THSD7A: variants seen among roughly 807,000 people sequenced by gnomAD.
The protein encoded by THSD7A is thrombospondin type-1 domain-containing protein 7A.
THSD7A carries 96 observed loss-of-function variants against 231.3 expected under a neutral mutation model. The observed-to-expected ratio is 0.41, with a 90% CI of 0.35 to 0.49. The LOEUF (loss-of-function observed/expected upper bound fraction) is 0.49. THSD7A is among the 20% of genes least tolerant of loss of function. THSD7A has a pLI of 0.05. For missense variants in THSD7A, 2,290 were observed against 2,070.2 expected (o/e 1.11, Z -2.06); for synonymous variants, 940 against 743.3 (o/e 1.26, Z -4.30).
At chr7:11,448,008 T>A (rs909753016) in intron 11 of THSD7A, among the ~76,000 whole-genome samples, 32 of 152,184 alleles carry the variant, frequency 2.1e-4, no homozygotes, top group Non-Finnish European at 2.6e-4. Flanking sequence ...ATTTCAAGTT[T>A]ATTAGGAAGG....
intron 1 of THSD7A, among the ~76,000 whole-genome samples, chr7:11,794,431 T>C (rs936753928): frequency 3.3e-5 from 5 of 151,990 alleles, no homozygotes; most frequent in African/African-American, 1.2e-4. Flanking sequence ...TGATCATTAG[T>C]GATGTCTTTC....
At chr7:11,748,137 T>C (rs549220171) in intron 1 of THSD7A, among the ~76,000 whole-genome samples, 1 of 152,068 alleles carries the variant, frequency 6.6e-6, no homozygotes, top group Admixed American at 6.6e-5. Flanking sequence ...CCAGATACAA[T>C]GCAACTGCAG....
chr7:11,710,325 T>C (rs377445205), intron 1 of THSD7A, among the ~76,000 whole-genome samples: 1 of 150,784 alleles, frequency 6.6e-6, no homozygotes, highest in African/African-American at 2.4e-5. Context: ...TCTAAACACA[T>C]GTACTTCCTG....
At chr7:11,549,455 C>T (rs1246931450) in intron 4 of THSD7A, among the ~76,000 whole-genome samples, 2 of 152,016 alleles carry the variant, frequency 1.3e-5, no homozygotes, top group African/African-American at 2.4e-5. Context: ...TATAAATCAT[C>T]CTATTATAAA....
chr7:11,502,998 T>G (rs1011780088), intron 6 of THSD7A, among the ~76,000 whole-genome samples: 4 of 152,134 alleles, frequency 2.6e-5, no homozygotes, highest in Non-Finnish European at 5.9e-5. Context: ...AGAGTCCAAA[T>G]AGCCAAGGAG....
chr7:11,593,089 T>C (rs1780227568), intron 3 of THSD7A, among the ~76,000 whole-genome samples, 165 bp downstream of exon 3: 1 of 152,214 alleles, frequency 6.6e-6, no homozygotes, highest in Non-Finnish European at 1.5e-5. Flanking sequence ...ATTTAGTTTG[T>C]CAGGACACTT....
At chr7:11,625,452 C>G (rs929800933) in intron 2 of THSD7A, among the ~76,000 whole-genome samples, 1 of 151,996 alleles carries the variant, frequency 6.6e-6, no homozygotes, top group African/African-American at 2.4e-5. Context: ...ATCATCACAT[C>G]TTTTATCTAA....
intron 4 of THSD7A, among the ~76,000 whole-genome samples, chr7:11,573,232 C>T (rs957401759): frequency 6.6e-6 from 1 of 152,202 alleles, no homozygotes; most frequent in South Asian, 2.1e-4. Flanking sequence ...CACCACAGGA[C>T]CTCTGCTAGA....
chr7:11,471,929 A>C (rs1020925299), intron 8 of THSD7A, among the ~76,000 whole-genome samples: 5 of 152,142 alleles, frequency 3.3e-5, no homozygotes, highest in African/African-American at 1.2e-4. Context: ...ACAATGAGAG[A>C]GCATTACTCA....
At chr7:11,427,165 A>G (rs953626970) in intron 14 of THSD7A, among the ~76,000 whole-genome samples, 2 of 152,194 alleles carry the variant, frequency 1.3e-5, no homozygotes, top group African/African-American at 2.4e-5. Context: ...TTTCAAGCCA[A>G]TGCTTCTGAT....
In THSD7A at chr7:11,636,220, C is replaced by G. The variant is rs772816846; in HGVS notation, c.932G>C (p.Arg311Thr). The change falls in exon 2 of 28, where the codon AGA becomes ACA. Residue 311 changes from arginine to threonine, a missense_variant. By Grantham distance (71) the Arg-to-Thr change is moderately conservative. Coordinates refer to ENST00000423059, the MANE Select transcript of THSD7A (RefSeq NM_015204.3). This position sits in a 1 kb window ranked among gnomAD's most constrained non-coding sequence, Gnocchi z 10.0. ...GATGTCCCAATATTTGTTCTCTTGT[C>G]TGTTCTGCCTGTTTCTGTTTCTCTT... is the stretch of plus-strand genomic sequence containing the variant. ...KKKRNRNRQN[R>T]QENKYWDIQI... 22 of 1,613,922 alleles carry G rather than the reference C, an allele frequency of 1.4e-5. No individual in the cohort carries two copies. Among genetic ancestry groups the G allele is most frequent in the Non-Finnish European group, 1.8e-5 (21 of 1,179,912 alleles).
At chr7:11,808,534 A>G (rs1044493485) in intron 1 of THSD7A, among the ~76,000 whole-genome samples, 1 of 152,226 alleles carries the variant, frequency 6.6e-6, no homozygotes, top group African/African-American at 2.4e-5. Flanking sequence ...GAATTAAGGC[A>G]CAACTATATA....
At chr7:11,598,256 T>G (rs893646253) in intron 2 of THSD7A, among the ~76,000 whole-genome samples, 2 of 152,094 alleles carry the variant, frequency 1.3e-5, no homozygotes, top group Non-Finnish European at 2.9e-5. Context: ...ACAAAGAAAT[T>G]TGGGGAAGAG....
chr7:11,394,455 G>A (rs1057345060), intron 23 of THSD7A, among the ~76,000 whole-genome samples: 3 of 152,142 alleles, frequency 2.0e-5, no homozygotes, highest in African/African-American at 7.2e-5. Flanking sequence ...CAGGCCTTCG[G>A]AAAGGTGCGA....
chr7:11,609,716 A>G (rs1419587237), intron 2 of THSD7A, among the ~76,000 whole-genome samples: 1 of 152,190 alleles, frequency 6.6e-6, no homozygotes, highest in African/African-American at 2.4e-5. Context: ...CAGTACTCCT[A>G]GATACTCATC....
At chr7:11,549,957 A>T (rs1039740097) in intron 4 of THSD7A, among the ~76,000 whole-genome samples, 6 of 152,140 alleles carry the variant, frequency 3.9e-5, no homozygotes, top group African/African-American at 1.4e-4. Flanking sequence ...CACCACTCCT[A>T]TTCAAAATAG....
chr7:11,521,472 TTTATTTTA>T (rs1357600541), intron 6 of THSD7A, among the ~76,000 whole-genome samples: 2 of 142,570 alleles, frequency 1.4e-5, no homozygotes, highest in Non-Finnish European at 3.0e-5. Flanking sequence ...TTTTTATTTT[TTTATTTTA>T]TTTATTTATT....
At chr7:11,552,117 A>T (rs1035079912) in intron 4 of THSD7A, among the ~76,000 whole-genome samples, 1 of 152,212 alleles carries the variant, frequency 6.6e-6, no homozygotes, top group African/African-American at 2.4e-5. Flanking sequence ...GCTGATAAAC[A>T]TGAACACAAA....
At chr7:11,398,593 A>AT (rs1188008278) in intron 23 of THSD7A, among the ~76,000 whole-genome samples, 2 of 152,218 alleles carry the variant, frequency 1.3e-5, no homozygotes, top group African/African-American at 4.8e-5. Context: ...ATATGTTCTT[A>AT]TAAAAAAAAA....
Sources: gnomAD v4.1 joint callset for allele counts (sites outside exome capture counted in the v4.1 genomes callset) on GRCh38, gnomAD v4.1.1 for gene constraint, Gnocchi (gnomAD v3.1) non-coding constraint, MANE v1.5 for transcripts, NCBI Gene and HGNC (gene_info 2026-07-23, HGNC 2026-07-21) for gene names.